The following EML1 variants were observed in gnomAD, a reference collection of about 807,000 sequenced individuals.
EML1 encodes EMAP like 1, also known as echinoderm microtubule-associated protein-like 1.
Under a neutral mutation model 110.4 loss-of-function variants are expected in EML1, and 27 were observed. That is an observed-to-expected ratio of 0.24 (90% CI 0.18 to 0.34). The LOEUF (loss-of-function observed/expected upper bound fraction) is 0.34, where lower values mean the gene tolerates loss of function less well. Among genes scored for constraint, EML1 ranks in the 10% least tolerant of loss-of-function variants. EML1 has a pLI of 1.00. For synonymous variants in EML1, 344 were observed against 385.8 expected (o/e 0.89, Z 1.27); for missense variants, 741 against 1,030.9 (o/e 0.72, Z 3.85).
At chr14:99,903,785 A>ATTTTT (rs1211025934) in intron 9 of EML1, among the ~76,000 whole-genome samples, 1 of 103,284 alleles carries the variant, frequency 9.7e-6, no homozygotes, top group East Asian at 4.3e-4. Context: ...AAATCTATTC[A>ATTTTT]TTTTTTTTTT....
chr14:99,902,345 T>G (rs7146313), intron 9 of EML1, among the ~76,000 whole-genome samples: 36,878 of 152,146 alleles, frequency 0.24, 5,418 homozygotes, highest in Non-Finnish European at 0.33. Context: ...GATCCAGATA[T>G]TTACATTACC....
intron 9 of EML1, among the ~76,000 whole-genome samples, chr14:99,904,268 C>T (rs1458061951): frequency 6.6e-6 from 1 of 152,164 alleles, no homozygotes; most frequent in East Asian, 1.9e-4. Context: ...TATGTTCACA[C>T]AGAATTTCTT....
At chr14:99,873,299 T>G (rs529223888) in intron 3 of EML1, among the ~76,000 whole-genome samples, 2 of 152,334 alleles carry the variant, frequency 1.3e-5, no homozygotes, top group South Asian at 4.1e-4. Flanking sequence ...GGTAAATATC[T>G]CTTGCTTCCA....
At chr14:99,914,455 G>A in intron 14 of EML1, 111 bp from the exon 15 acceptor site, 2 of 1,529,008 alleles carry the variant, frequency 1.3e-6, no homozygotes, top group Admixed American at 2.1e-5. Context: ...GAGAGAAACT[G>A]TTGAGAGCAG....
intron 3 of EML1, 139 bp downstream of exon 3, chr14:99,865,785 T>G (rs1448411685): frequency 6.2e-6 from 7 of 1,126,526 alleles, no homozygotes; most frequent in Non-Finnish European, 8.5e-6. Context: ...TTTTATATGG[T>G]GCCATAACAA....
intron 17 of EML1, among the ~76,000 whole-genome samples, chr14:99,929,122 C>A (rs1052548739): frequency 3.3e-5 from 5 of 152,202 alleles, no homozygotes; most frequent in Non-Finnish European, 5.9e-5. Context: ...CACTAATGAC[C>A]ATTCCCTGGA....
At chr14:99,895,429 G>A (rs571359890) in intron 6 of EML1, among the ~76,000 whole-genome samples, 2 of 152,074 alleles carry the variant, frequency 1.3e-5, no homozygotes, top group Admixed American at 6.5e-5. Flanking sequence ...AGGGACAGAT[G>A]GAAAACTAGG....
intron 1 of EML1, among the ~76,000 whole-genome samples, chr14:99,846,049 C>CA (rs540638774): frequency 0.02 from 1,061 of 52,724 alleles, 5 homozygotes; most frequent in African/African-American, 0.044. Context: ...GACTCTGTCT[C>CA]AAAAAAAAAA....
chr14:99,898,676 C>T (rs10144390), intron 8 of EML1, among the ~76,000 whole-genome samples: 4,657 of 151,102 alleles, frequency 0.031, 231 homozygotes, highest in African/African-American at 0.11. Flanking sequence ...CACTTGAACC[C>T]GGGAGGCGGA....
intron 1 of EML1, among the ~76,000 whole-genome samples, chr14:99,815,593 G>T (rs1462387765): frequency 1.3e-5 from 2 of 152,290 alleles, no homozygotes; most frequent in East Asian, 3.9e-4. Flanking sequence ...TTGTTAAAAT[G>T]AAGATGAATA....
rs2059993910 is a variant in EML1 at position 99,914,166 on chromosome 14, CTT to C, written c.1495-10_1495-9del. On this transcript the variant is annotated splice_polypyrimidine_tract_variant and intron_variant, in intron 13 of 21. Transcript: ENST00000262233. Reference sequence around the variant, plus strand: ...TTGTACATCTTTTCTTTTCATATGACTTTTCAATGCAGATTCCAGAACAGTTT... The same window carrying C: ...TTGTACATCTTTTCTTTTCATATGACTTCAATGCAGATTCCAGAACAGTTT... The C allele has an allele frequency of 6.3e-7, 1 of 1,592,248 alleles. No individual in the cohort carries two copies. Among genetic ancestry groups the C allele is most frequent in the African/African-American group, 1.3e-5 (1 of 74,438 alleles).
At chr14:99,874,286 G>C (rs994953478) in intron 3 of EML1, among the ~76,000 whole-genome samples, 7 of 152,170 alleles carry the variant, frequency 4.6e-5, no homozygotes, top group Non-Finnish European at 1.0e-4. Context: ...TAACTTACAA[G>C]GTTGCAGGTT....
upstream of EML1, among the ~76,000 whole-genome samples, chr14:99,770,702 G>T (rs1422265130): frequency 5.9e-5 from 9 of 151,954 alleles, no homozygotes; most frequent in African/African-American, 2.2e-4. Context: ...GCTGAACACA[G>T]GGCCTTGAAC....
At chr14:99,879,512 A>G (rs1566913921) in intron 4 of EML1, among the ~76,000 whole-genome samples, 1 of 152,188 alleles carries the variant, frequency 6.6e-6, no homozygotes, top group Non-Finnish European at 1.5e-5. Flanking sequence ...CAGGCTATAA[A>G]ACTTCCAAGT....
At chr14:99,911,182 G>A (rs1020745893) in intron 12 of EML1, among the ~76,000 whole-genome samples, 4 of 152,092 alleles carry the variant, frequency 2.6e-5, no homozygotes, top group African/African-American at 4.8e-5. Flanking sequence ...GTTCTCAGCC[G>A]CGTGGTGCTT....
At chr14:99,796,343 C>G (rs374196080) in intron 1 of EML1, among the ~76,000 whole-genome samples, 102 of 152,176 alleles carry the variant, frequency 6.7e-4, no homozygotes, top group African/African-American at 2.3e-3. Context: ...TTGTAGTGGA[C>G]ATTAAATGCA....
rs1955189731 is a variant in EML1 at position 99,940,496 on chromosome 14, T to C, written c.*384T>C. ...TCACCATCTAGCTTGCTAAGTCAAA[T>C]ATTTATGATGATAATGAGGTACTGA... On this transcript the variant is annotated 3_prime_UTR_variant, in exon 22 of 22. Coordinates refer to ENST00000262233, the MANE Select transcript of EML1 (RefSeq NM_004434.3). 6.4e-6 allele frequency: 1 copy of C among 156,388 alleles called. No individual in the cohort carries two copies. The highest frequency in any genetic ancestry group is 6.5e-5 in the Admixed American group (1 of 15,390). The allele number at this position is 156,388 out of a possible 1,614,324, so 9.7% of individuals were successfully genotyped here. A position where few individuals can be genotyped will look rare whatever the true frequency, so the allele number is the denominator to read the frequency against.
intron 1 of EML1, among the ~76,000 whole-genome samples, chr14:99,822,732 C>T (rs927800160): frequency 7.2e-5 from 11 of 152,130 alleles, no homozygotes; most frequent in African/African-American, 2.7e-4. Context: ...CCCCATGCCC[C>T]ACATGAAAGG....
At chr14:99,810,012 G>A (rs934592997) in intron 1 of EML1, among the ~76,000 whole-genome samples, 8 of 152,222 alleles carry the variant, frequency 5.3e-5, no homozygotes, top group African/African-American at 1.9e-4. Context: ...TACCGCGTCT[G>A]GTTCCTGGGT....
Sources: gnomAD v4.1 joint callset for allele counts (sites outside exome capture counted in the v4.1 genomes callset) on GRCh38, gnomAD v4.1.1 for gene constraint, MANE v1.5 for transcripts, NCBI Gene and HGNC (gene_info 2026-07-23, HGNC 2026-07-21) for gene names.